The following SMYD4 variants were observed in gnomAD, a reference collection of about 807,000 sequenced individuals.
The protein encoded by SMYD4 is protein-lysine N-methyltransferase SMYD4.
In SMYD4, 68 loss-of-function variants were observed where a neutral mutation model predicts 72.8. The observed-to-expected ratio is 0.93, with a 90% CI of 0.77 to 1.14. The LOEUF (loss-of-function observed/expected upper bound fraction) is 1.14. SMYD4 is among the 50% of genes most tolerant of loss of function. The pLI is 0.00. For synonymous variants in SMYD4, 407 were observed against 388.6 expected (o/e 1.05, Z -0.56); for missense variants, 984 against 1,003.7 (o/e 0.98, Z 0.27).
At chr17:1,823,505 T>A (rs1007451833) in intron 2 of SMYD4, among the ~76,000 whole-genome samples, 2 of 151,576 alleles carry the variant, frequency 1.3e-5, no homozygotes, top group Non-Finnish European at 2.9e-5. Flanking sequence ...AATGACTATG[T>A]GTGTGCGAGC....
chr17:1,790,652 G>A (rs983700432), intron 5 of SMYD4, among the ~76,000 whole-genome samples: 14 of 151,928 alleles, frequency 9.2e-5, no homozygotes, highest in African/African-American at 3.4e-4. Flanking sequence ...GAGTAGCTGG[G>A]ATTACAGGCG....
chr17:1,798,727 G>A (rs758827611), intron 5 of SMYD4, among the ~76,000 whole-genome samples: 32 of 151,972 alleles, frequency 2.1e-4, no homozygotes, highest in East Asian at 3.9e-4. Context: ...GCAAAACCCC[G>A]TCTCTACTAA....
chr17:1,792,291 G>A (rs1909088644), intron 5 of SMYD4, among the ~76,000 whole-genome samples: 1 of 151,700 alleles, frequency 6.6e-6, no homozygotes, highest in Non-Finnish European at 1.5e-5. Context: ...CTCCCACCTC[G>A]GCCTCCTCAA....
chr17:1,820,991 G>A (rs1910857723), intron 2 of SMYD4, among the ~76,000 whole-genome samples: 1 of 152,112 alleles, frequency 6.6e-6, no homozygotes, highest in South Asian at 2.1e-4. Context: ...TAAGGAGAGA[G>A]GTCTGGGTAT....
chr17:1,808,503 A>G (rs1910160669), intron 3 of SMYD4, among the ~76,000 whole-genome samples: 1 of 152,176 alleles, frequency 6.6e-6, no homozygotes. Flanking sequence ...TTTACTCTTT[A>G]TGCTCCTCTG....
At chr17:1,825,971 A>T (rs1008525756) in intron 2 of SMYD4, among the ~76,000 whole-genome samples, 1 of 152,078 alleles carries the variant, frequency 6.6e-6, no homozygotes, top group Non-Finnish European at 1.5e-5. Context: ...AAAATTTGAA[A>T]CATATATACA....
In SMYD4 at chr17:1,819,068, A is replaced by C. The variant is rs539725062; in HGVS notation, c.135-6953T>G. Among the ~76,000 whole-genome samples, 288 of 152,094 alleles carry C rather than the reference A, an allele frequency of 1.9e-3. 2 individuals are homozygous for C. The highest frequency in any genetic ancestry group is 6.5e-3 in the African/African-American group (270 of 41,530). On this transcript the variant is annotated intron_variant, in intron 2 of 10. Transcript: ENST00000305513. ...GATTCACATTAAACAATTTTTATTA[A>C]GAATACGGCTGGGTGTGGTGGCTCA...
intron 5 of SMYD4, among the ~76,000 whole-genome samples, chr17:1,796,998 T>C (rs551977067): frequency 9.2e-5 from 14 of 152,320 alleles, no homozygotes; most frequent in Non-Finnish European, 1.9e-4. Context: ...AGTAGTATCA[T>C]GGGACCAGGC....
At chr17:1,793,585 G>T (rs1446729503) in intron 5 of SMYD4, among the ~76,000 whole-genome samples, 1 of 151,982 alleles carries the variant, frequency 6.6e-6, no homozygotes, top group African/African-American at 2.4e-5. Context: ...CTGTCTATTG[G>T]TCAAAGCAAG....
At chr17:1,807,682 C>G (rs936911817) in intron 3 of SMYD4, among the ~76,000 whole-genome samples, 4 of 152,126 alleles carry the variant, frequency 2.6e-5, no homozygotes, top group Non-Finnish European at 5.9e-5. Context: ...TCTTTATGTA[C>G]TGAAATGGAA....
intron 5 of SMYD4, among the ~76,000 whole-genome samples, chr17:1,794,055 G>GTTTATATATATATA (rs1471465115): frequency 1.4e-5 from 1 of 70,126 alleles, no homozygotes; most frequent in Non-Finnish European, 2.5e-5. Context: ...ATATATATGT[G>GTTTATATATATATA]TGTATATATA....
intron 2 of SMYD4, among the ~76,000 whole-genome samples, chr17:1,818,799 C>A (rs1007032592): frequency 6.6e-6 from 1 of 151,846 alleles, no homozygotes; most frequent in Non-Finnish European, 1.5e-5. Context: ...TACTATCATG[C>A]GTGGCTAAAT....
Position 1,827,938 on chromosome 17 carries a change from G to T in SMYD4, c.57C>A (p.Leu19=). 1 of 1,613,606 alleles carries T rather than the reference G, an allele frequency of 6.2e-7. No individual in the cohort carries two copies. Among genetic ancestry groups the T allele is most frequent in the Non-Finnish European group, 8.5e-7 (1 of 1,179,560 alleles). Residue 19 remains leucine (L), a synonymous_variant, in exon 2 of 11, where the codon CTC becomes CTA. Coordinates refer to ENST00000305513, the MANE Select transcript of SMYD4 (RefSeq NM_052928.3). ...AAATTGTGACCTGAACAGACGTCGG[G>T]AGTGAAGCCCACTTTTGAAGCAGAT... ...KSYLLQKWAS[L]PTSVQVTIST...
intron 4 of SMYD4, among the ~76,000 whole-genome samples, chr17:1,803,906 A>T (rs1909897985): frequency 6.8e-6 from 1 of 146,524 alleles, no homozygotes; most frequent in Admixed American, 6.9e-5. Context: ...TTTTTGAGAC[A>T]GAGTCTGTTG....
At chr17:1,798,855 C>T (rs966120352) in intron 5 of SMYD4, among the ~76,000 whole-genome samples, 13 of 150,682 alleles carry the variant, frequency 8.6e-5, no homozygotes, top group Non-Finnish European at 1.2e-4. Context: ...GCTGAGATTG[C>T]GCCACTGCAC....
intron 2 of SMYD4, among the ~76,000 whole-genome samples, chr17:1,814,304 C>CA (rs1309758223): frequency 4.0e-5 from 6 of 150,808 alleles, no homozygotes; most frequent in South Asian, 4.2e-4. Flanking sequence ...GGCCCTGTCT[C>CA]AAAAAAACAA....
rs1909697704 is a variant in SMYD4 at position 1,800,791 on chromosome 17, C to G, written c.603G>C (p.Lys201Asn). The G allele has an allele frequency of 6.2e-7, 1 of 1,614,228 alleles. No individual in the cohort carries two copies. The highest frequency in any genetic ancestry group is 8.5e-7 in the Non-Finnish European group (1 of 1,180,034). The change falls in exon 5 of 11, where the codon AAG (lysine) becomes AAC (asparagine). Residue 201 changes from lysine (K) to asparagine (N), a missense_variant. Coordinates refer to ENST00000305513, the MANE Select transcript of SMYD4 (RefSeq NM_052928.3). ...CTGGGAAGCTTTCTGTGAGACTGTC[C>G]TTTTCTTGCATCTTCATTTTCAGAC... is the stretch of plus-strand genomic sequence containing the variant. ...LHRLKMKMQE[K>N]DSLTESFPAA...
intron 5 of SMYD4, among the ~76,000 whole-genome samples, chr17:1,789,540 G>A (rs1469551659): frequency 6.6e-6 from 1 of 152,170 alleles, no homozygotes; most frequent in East Asian, 1.9e-4. Context: ...AAGGCGGGCA[G>A]ATCACTTGAG....
chr17:1,789,645 A>G (rs566935274), intron 5 of SMYD4, among the ~76,000 whole-genome samples: 1 of 150,586 alleles, frequency 6.6e-6, no homozygotes, highest in South Asian at 2.1e-4. Flanking sequence ...TGCACCAGTA[A>G]TCCCTGCTAC....
Sources: allele counts gnomAD v4.1 joint callset (sites outside exome capture counted in the v4.1 genomes callset), GRCh38; gene constraint gnomAD v4.1.1; transcripts MANE v1.5; gene names NCBI Gene and HGNC (gene_info 2026-07-23, HGNC 2026-07-21).